Variants in PBX4 observed in about 807,000 individuals in gnomAD.
PBX4 encodes PBX homeobox 4, also known as pre-B-cell leukemia transcription factor 4.
Under a neutral mutation model 35.1 loss-of-function variants are expected in PBX4, and 26 were observed. The observed-to-expected ratio is 0.74, with a 90% confidence interval of 0.54 to 1.03. The LOEUF is 1.03. Ranked by LOEUF, PBX4 falls within the 50% of genes least tolerant of loss-of-function variation. PBX4 has a pLI of 0.00. For synonymous variants in PBX4, 199 were observed against 204.2 expected, an observed-to-expected ratio of 0.97 and a Z score of 0.22; for missense variants, 448 against 504.3, an observed-to-expected ratio of 0.89 and a Z score of 1.07.
chr19:19,570,094 C>T lies in PBX4; in HGVS notation c.632+15G>A, dbSNP rs373600351. ...GAGCCGGCCCTTGAGGTTTTGGGTA[C>T]GTACAGGCCCTGACCTGGCATCGAG... On this transcript the variant is annotated intron_variant, in intron 4 of 7. Transcript: ENST00000251203. 5.4e-5 allele frequency: 84 copies of T among 1,567,458 alleles called. No individual in the cohort carries two copies. Among genetic ancestry groups the T allele is most frequent in the South Asian group, 4.8e-4 (41 of 85,250 alleles).
intron 2 of PBX4, among the ~76,000 whole-genome samples, chr19:19,598,241 A>G (rs2061572031): frequency 6.6e-6 from 1 of 151,844 alleles, no homozygotes; most frequent in Non-Finnish European, 1.5e-5. Flanking sequence ...AGCCCGGAGA[A>G]GGAGATACGA....
intron 2 of PBX4, among the ~76,000 whole-genome samples, chr19:19,581,774 G>T (rs1167099705): frequency 6.6e-6 from 1 of 152,224 alleles, no homozygotes; most frequent in African/African-American, 2.4e-5. Flanking sequence ...CCCAGGTCAT[G>T]CGGTGCTGCC....
chr19:19,582,971 C>T (rs533451800), intron 2 of PBX4, among the ~76,000 whole-genome samples: 6 of 152,344 alleles, frequency 3.9e-5, no homozygotes, highest in Non-Finnish European at 8.8e-5. Flanking sequence ...CTGTTTCACC[C>T]GGGCTCCGGG....
intron 2 of PBX4, among the ~76,000 whole-genome samples, chr19:19,577,887 T>A (rs2061430196): frequency 6.7e-6 from 1 of 149,470 alleles, no homozygotes; most frequent in Non-Finnish European, 1.5e-5. Context: ...AAAAAGATTA[T>A]GCTTTTGAGG....
chr19:19,567,260 C>T (rs1215764633), intron 5 of PBX4, among the ~76,000 whole-genome samples: 1 of 152,220 alleles, frequency 6.6e-6, no homozygotes, highest in African/African-American at 2.4e-5. Flanking sequence ...AGGCGCAGCC[C>T]CTTGCTCCAG....
At chr19:19,608,723 C>T (rs2061645606) in intron 1 of PBX4, 1 of 152,576 alleles carries the variant, frequency 6.6e-6, no homozygotes, top group African/African-American at 2.4e-5. Context: ...CTTTCTTTGC[C>T]TAGGCAAAGC....
intron 1 of PBX4, among the ~76,000 whole-genome samples, chr19:19,602,652 C>A (rs190576103): frequency 2.6e-4 from 40 of 152,210 alleles, no homozygotes; most frequent in Admixed American, 2.3e-3. Context: ...CCAGGCTGTT[C>A]TTGAACTCCT....
In PBX4 at chr19:19,563,488, G is replaced by A. The variant is rs778333872; in HGVS notation, c.1032+21C>T. ...AACCTACCACCCACCTGGGCGCTGT[G>A]GGACAGTGCCTGAGACTCACCTGGG... On this transcript the variant is annotated intron_variant, in intron 7 of 7. Coordinates refer to ENST00000251203, the MANE Select transcript of PBX4 (RefSeq NM_025245.3). The surrounding 1 kb of genome is among the most constrained non-coding windows in gnomAD (Gnocchi z 5.1). The A allele has an allele frequency of 1.3e-6, 2 of 1,519,776 alleles. No individual in the cohort carries two copies. The highest frequency in any genetic ancestry group is 2.4e-5 in the South Asian group (2 of 82,748). 94.1% of individuals were successfully genotyped at this position (1,519,776 alleles called of 1,614,324 possible).
At chr19:19,571,780 C>A (rs1186581594) in intron 2 of PBX4, among the ~76,000 whole-genome samples, 1 of 152,108 alleles carries the variant, frequency 6.6e-6, no homozygotes, top group Non-Finnish European at 1.5e-5. Flanking sequence ...CGCCTGTAAT[C>A]CTAGCACTTT....
chr19:19,565,119 C>G, intron 5 of PBX4, 30 bp from the exon 6 acceptor site: 8 of 1,613,644 alleles, frequency 5.0e-6, no homozygotes, highest in Non-Finnish European at 6.8e-6. Context: ...ACTGGAGGAG[C>G]TGACCCAGCG....
intron 5 of PBX4, 71 bp from the exon 6 acceptor site, chr19:19,565,160 C>T: frequency 6.3e-7 from 1 of 1,588,026 alleles, no homozygotes; most frequent in Non-Finnish European, 8.6e-7. Flanking sequence ...TCTGTGGGTT[C>T]CCTGGGGTGC....
intron 2 of PBX4, among the ~76,000 whole-genome samples, chr19:19,573,061 T>C (rs1054168433): frequency 6.6e-6 from 1 of 151,670 alleles, no homozygotes; most frequent in Admixed American, 6.6e-5. Flanking sequence ...ATCCCAGCAC[T>C]TTGGGAGGCC....
At chr19:19,607,132 C>A (rs1213039257) in intron 1 of PBX4, among the ~76,000 whole-genome samples, 1 of 152,138 alleles carries the variant, frequency 6.6e-6, no homozygotes, top group East Asian at 1.9e-4. Context: ...CAGCTCACTG[C>A]AACCTCTGTC....
At chr19:19,572,411 A>C (rs1306339237) in intron 2 of PBX4, among the ~76,000 whole-genome samples, 1 of 152,082 alleles carries the variant, frequency 6.6e-6, no homozygotes, top group African/African-American at 2.4e-5. Context: ...TACTTACCGA[A>C]TTAGTGCTCA....
At chr19:19,605,995 T>C (rs1295406761) in intron 1 of PBX4, among the ~76,000 whole-genome samples, 1 of 152,182 alleles carries the variant, frequency 6.6e-6, no homozygotes, top group African/African-American at 2.4e-5. Context: ...TGAGCATGTC[T>C]TTGAGCTAGC....
At chr19:19,589,412 C>A (rs1394582590) in intron 2 of PBX4, among the ~76,000 whole-genome samples, 1 of 150,280 alleles carries the variant, frequency 6.7e-6, no homozygotes, top group Non-Finnish European at 1.5e-5. Flanking sequence ...CCAGCCTGGG[C>A]AACTGAGCGA....
Position 19,561,990 on chromosome 19 carries a change from C to T in PBX4, c.*35G>A. 2 of 1,562,640 alleles carry T rather than the reference C, an allele frequency of 1.3e-6. No homozygotes were observed. The highest frequency in any genetic ancestry group is 1.7e-4 in the Middle Eastern group (1 of 5,932). On this transcript the variant is annotated 3_prime_UTR_variant, in exon 8 of 8. Transcript: ENST00000251203. Reference sequence around the variant, plus strand: ...AGCAACGGCTGGCGATACATGGCAGCTCACGCAGCGCTCTTTCCTGCTTAT... The same window carrying T: ...AGCAACGGCTGGCGATACATGGCAGTTCACGCAGCGCTCTTTCCTGCTTAT...
intron 1 of PBX4, among the ~76,000 whole-genome samples, chr19:19,600,776 C>T (rs1043873677): frequency 3.5e-5 from 5 of 143,576 alleles, no homozygotes; most frequent in African/African-American, 1.3e-4. Context: ...GAGATCGCAC[C>T]AGTGAACTCC....
At chr19:19,577,766 G>A (rs1047685884) in intron 2 of PBX4, among the ~76,000 whole-genome samples, 2 of 152,044 alleles carry the variant, frequency 1.3e-5, no homozygotes, top group Non-Finnish European at 2.9e-5. Flanking sequence ...GGCTGAGGCA[G>A]GGGAATCGCT....
Sources: allele counts gnomAD v4.1 joint callset (sites outside exome capture counted in the v4.1 genomes callset), GRCh38; gene constraint gnomAD v4.1.1; non-coding constraint Gnocchi (gnomAD v3.1); transcripts MANE v1.5; gene names NCBI Gene and HGNC (gene_info 2026-07-23, HGNC 2026-07-21).